MED13: variants seen among roughly 807,000 people sequenced by gnomAD.
MED13 encodes mediator complex subunit 13.
Under a neutral mutation model 225.2 loss-of-function variants are expected in MED13, and 23 were observed. The ratio of observed to expected loss-of-function variants is 0.10; its 90% CI spans 0.07 to 0.14. The LOEUF is 0.14. Among genes scored for constraint, MED13 ranks in the 10% least tolerant of loss-of-function variants. The pLI, the probability that MED13 is intolerant of heterozygous loss-of-function variation, is 1.00. For synonymous variants in MED13, 942 were observed against 889.2 expected (o/e 1.06, Z -1.06); for missense variants, 2,197 against 2,594.5 (o/e 0.85, Z 3.33).
chr17:62,010,360 TG>T (rs899121758), intron 9 of MED13, 189 bp downstream of exon 9: 1 of 406,758 alleles, frequency 2.5e-6, no homozygotes, highest in African/African-American at 2.1e-5. Context: ...CCACTTTTTG[TG>T]GCTAAAGTTA....
At position 61,966,524 on chromosome 17, in the gene MED13, T is replaced by A. The variant is rs368225405; in HGVS notation, c.4319A>T (p.Asp1440Val). 8.1e-6 allele frequency: 13 copies of A among 1,613,844 alleles called. No individual in the cohort carries two copies. Among genetic ancestry groups the A allele is most frequent in the Non-Finnish European group, 1.1e-5 (13 of 1,179,896 alleles). Residue 1440 changes from aspartate to valine, a missense_variant, in exon 19 of 30, where the codon GAC (aspartate) becomes GTC (valine). Physicochemically the swap from Asp to Val is radical, Grantham distance 152. Transcript: ENST00000397786. ...TTTAGAAAATGCTTCATTGTTACCG[T>A]CAGCTGCCTGAGAAAACCATTCTGC... ...LVAEWFSQAA[D>V]GNNEAFSKLK... is the part of the protein sequence containing the mutation.
chr17:62,025,584 T>C (rs1483778813), intron 8 of MED13, among the ~76,000 whole-genome samples: 1 of 152,046 alleles, frequency 6.6e-6, no homozygotes, highest in African/African-American at 2.4e-5. Context: ...GCAGGAGAAC[T>C]GCTTGAACCT....
intron 17 of MED13, among the ~76,000 whole-genome samples, chr17:61,968,799 T>G (rs1018027495): frequency 3.9e-5 from 6 of 152,232 alleles, no homozygotes; most frequent in African/African-American, 1.4e-4. Context: ...TTGCCCAGAT[T>G]AGACTGCAGT....
In MED13 at chr17:62,022,612, G is replaced by A. The variant is rs1247981166; in HGVS notation, c.1283+6929C>T. Among the ~76,000 whole-genome samples, 4 of 151,824 alleles carry A rather than the reference G, an allele frequency of 2.6e-5. No homozygotes were observed. The East Asian group carries it at 7.8e-4, about 29-fold the overall frequency. On this transcript the variant is annotated intron_variant, in intron 8 of 29. Coordinates refer to ENST00000397786, the MANE Select transcript of MED13 (RefSeq NM_005121.3). Reference sequence around the variant, plus strand: ...GAATGAGCCACCACACCCAGCCACAGGAAAATTTTTAAACAATGAAGCAGA... The same window carrying A: ...GAATGAGCCACCACACCCAGCCACAAGAAAATTTTTAAACAATGAAGCAGA...
At chr17:62,052,512 CA>C (rs1320703885) in intron 3 of MED13, 24 bp downstream of exon 3, 2 of 1,493,288 alleles carry the variant, frequency 1.3e-6, no homozygotes, top group Admixed American at 4.2e-5. Context: ...AAAGAAATAT[CA>C]CGTCAGAATT....
intron 7 of MED13, 58 bp from the exon 8 acceptor site, chr17:62,029,709 A>G: frequency 6.5e-7 from 1 of 1,539,238 alleles, no homozygotes. Context: ...TCAAACCTCA[A>G]TGTAGCATTG....
chr17:62,049,078 C>CAAAAAAAAAAAAAAAAA lies in MED13; in HGVS notation c.470+3442_470+3458dup, dbSNP rs890393330. 4.7e-3 allele frequency among the ~76,000 whole-genome samples: 213 copies of CAAAAAAAAAAAAAAAAA among 45,226 alleles called. 4 individuals are homozygous for CAAAAAAAAAAAAAAAAA. The highest frequency in any genetic ancestry group is 0.017 in the African/African-American group (193 of 11,440). 29.7% of individuals were successfully genotyped at this position (45,226 alleles called of 152,430 possible). On this transcript the variant is annotated intron_variant, in intron 3 of 29. Coordinates refer to ENST00000397786, the MANE Select transcript of MED13 (RefSeq NM_005121.3). ...GGCACCACCATAACAGTAAATAAGA[C>CAAAAAAAAAAAAAAAAA]AAAAAAAAAAAAAAAAAGGAGAAAT... is the stretch of plus-strand genomic sequence containing the variant.
intron 17 of MED13, among the ~76,000 whole-genome samples, chr17:61,969,431 C>A (rs2080087896): frequency 6.6e-6 from 1 of 151,894 alleles, no homozygotes; most frequent in Non-Finnish European, 1.5e-5. Flanking sequence ...ATCTCAGCAC[C>A]TTGGGAGACT....
chr17:62,062,191 C>T (rs1309819851), intron 2 of MED13, among the ~76,000 whole-genome samples: 1 of 152,142 alleles, frequency 6.6e-6, no homozygotes, highest in Non-Finnish European at 1.5e-5. Context: ...CATTATCAAA[C>T]TATCTTACTG....
chr17:62,064,561 A>C (rs1347438402), intron 1 of MED13, among the ~76,000 whole-genome samples: 1 of 152,256 alleles, frequency 6.6e-6, no homozygotes, highest in African/African-American at 2.4e-5. Context: ...ACTGTTTTCA[A>C]AGTTTAAAAA....
intron 9 of MED13, chr17:62,006,094 C>G (rs1261083864): frequency 2.6e-5 from 4 of 151,962 alleles, no homozygotes; most frequent in Non-Finnish European, 5.9e-5. Flanking sequence ...AGATAAAATA[C>G]AGCAGAAAAA....
At chr17:62,013,085 C>T (rs1018046550) in intron 8 of MED13, among the ~76,000 whole-genome samples, 1 of 151,988 alleles carries the variant, frequency 6.6e-6, no homozygotes, top group African/African-American at 2.4e-5. Context: ...GCCACTGCGC[C>T]CGGCCGAGAC....
At chr17:61,949,198 T>C (rs2079876279) in intron 28 of MED13, among the ~76,000 whole-genome samples, 1 of 152,198 alleles carries the variant, frequency 6.6e-6, no homozygotes, top group Non-Finnish European at 1.5e-5. Context: ...TTGTGACTTA[T>C]CTCCACTTCA....
At chr17:62,064,061 G>GGA (rs1352945369) in intron 1 of MED13, among the ~76,000 whole-genome samples, 1 of 152,188 alleles carries the variant, frequency 6.6e-6, no homozygotes, top group African/African-American at 2.4e-5. Context: ...CTAACTTAAA[G>GGA]GAGCAAAGCA....
At chr17:62,038,698 G>C (rs917162730) in intron 3 of MED13, among the ~76,000 whole-genome samples, 1 of 152,050 alleles carries the variant, frequency 6.6e-6, no homozygotes, top group Non-Finnish European at 1.5e-5. Flanking sequence ...ATGGTTTAGA[G>C]ACAGGTTCTC....
chr17:62,025,324 C>T (rs1366698293), intron 8 of MED13, among the ~76,000 whole-genome samples: 2 of 152,188 alleles, frequency 1.3e-5, no homozygotes, highest in African/African-American at 2.4e-5. Context: ...ACAACTTTCA[C>T]ATACCATAAA....
chr17:62,025,508 A>C (rs1025524147), intron 8 of MED13, among the ~76,000 whole-genome samples: 9 of 152,274 alleles, frequency 5.9e-5, no homozygotes, highest in Non-Finnish European at 1.2e-4. Flanking sequence ...TCTCTACTAA[A>C]TAATACAAAA....
intron 27 of MED13, 133 bp from the exon 28 acceptor site, chr17:61,951,131 G>A (rs78218013): frequency 9.8e-6 from 6 of 610,694 alleles, no homozygotes; most frequent in South Asian, 6.1e-5. Context: ...GAAGGATATT[G>A]AAAAAAAACC....
chr17:62,014,935 A>G (rs1333320937), intron 8 of MED13, among the ~76,000 whole-genome samples: 1 of 152,244 alleles, frequency 6.6e-6, no homozygotes, highest in Non-Finnish European at 1.5e-5. Context: ...ATAGAAATGC[A>G]AAGGAAAAAG....
Sources: allele counts gnomAD v4.1 joint callset (sites outside exome capture counted in the v4.1 genomes callset), GRCh38; gene constraint gnomAD v4.1.1; transcripts MANE v1.5; gene names NCBI Gene and HGNC (gene_info 2026-07-23, HGNC 2026-07-21).